The following CECR2 variants were observed in gnomAD, a reference collection of about 807,000 sequenced individuals.
CECR2 encodes the protein CECR2 histone acetyl-lysine reader.
Under a neutral mutation model 154.5 loss-of-function variants are expected in CECR2, and 30 were observed. That is an observed-to-expected ratio of 0.19 (90% confidence interval 0.15 to 0.26). CECR2 has a LOEUF of 0.26. Among genes scored for constraint, CECR2 ranks in the 10% least tolerant of loss-of-function variants. The pLI is 1.00. For synonymous variants in CECR2, 725 were observed against 683.7 expected (o/e 1.06, Z -0.94); for missense variants, 1,743 against 1,829.3 (o/e 0.95, Z 0.86).
chr22:17,446,827 G>A (rs2054673175), intron 1 of CECR2, among the ~76,000 whole-genome samples: 1 of 152,128 alleles, frequency 6.6e-6, no homozygotes, highest in Non-Finnish European at 1.5e-5. Context: ...CGAGCAGGTT[G>A]CCGCTGTGAG....
At chr22:17,550,835 G>A (rs1029404226) in intron 17 of CECR2, among the ~76,000 whole-genome samples, 5 of 151,946 alleles carry the variant, frequency 3.3e-5, no homozygotes, top group South Asian at 2.1e-4. Context: ...CCAGCTACTC[G>A]GGAGGCTGAG....
chr22:17,409,034 C>T (rs1170063842), intron 1 of CECR2, among the ~76,000 whole-genome samples: 1 of 152,240 alleles, frequency 6.6e-6, no homozygotes, highest in Non-Finnish European at 1.5e-5. Context: ...CAGCTTTCAG[C>T]TCAGATTCAT....
chr22:17,480,510 C>T (rs1014761058), intron 2 of CECR2, among the ~76,000 whole-genome samples: 6 of 151,386 alleles, frequency 4.0e-5, no homozygotes, highest in Non-Finnish European at 7.4e-5. Context: ...TTTTCACAAA[C>T]TGAACACACC....
rs1160065288 is a variant in CECR2, at chr22:17,482,136, AAAAAAG to A, written c.221+4455_221+4460del. On this transcript the variant is annotated intron_variant, in intron 2 of 18. Coordinates refer to ENST00000262608, the MANE Select transcript of CECR2 (RefSeq NM_001290047.2). ...TCTCCAAAAAAAAAAAAAAAAAAAA[AAAAAAG>A]GGCGTGGCATGGTGACTCACGCCTG... Among the ~76,000 whole-genome samples, 35 of 116,914 alleles carry A rather than the reference AAAAAAG, an allele frequency of 3.0e-4. 5 individuals carry two copies. Among genetic ancestry groups the A allele is most frequent in the East Asian group, 7.9e-4 (3 of 3,774 alleles). The allele number at this position is 116,914 out of a possible 152,430, so 76.7% of individuals were successfully genotyped here.
intron 7 of CECR2, among the ~76,000 whole-genome samples, chr22:17,505,534 CTTTTT>C (rs11387639): frequency 8.1e-5 from 8 of 98,844 alleles, no homozygotes; most frequent in South Asian, 7.4e-4. Flanking sequence ...CCTCTTTTTC[CTTTTT>C]TTTTTTTTTT....
Position 17,393,980 on chromosome 22 carries a change from C to T in CECR2, c.126+24071C>T, listed in dbSNP as rs1193044907. ...TCAGCTCACTGCAACCTCTGCCTCC[C>T]GGGTTCAAGCAATTCTCCTGCCTCA... On this transcript the variant is annotated intron_variant, in intron 1 of 18. Transcript: ENST00000262608. Among the ~76,000 whole-genome samples the T allele has an allele frequency of 2.6e-5, 4 of 151,084 alleles. No homozygotes were observed. In the South Asian group the frequency reaches 6.3e-4, roughly 24 times the overall value.
At chr22:17,375,998 A>T in intron 1 of CECR2, among the ~76,000 whole-genome samples, 1 of 152,058 alleles carries the variant, frequency 6.6e-6, no homozygotes, top group Admixed American at 6.6e-5. Context: ...ACACTAATCT[A>T]TTTAATGTAA....
intron 1 of CECR2, among the ~76,000 whole-genome samples, chr22:17,395,723 T>C (rs987275912): frequency 3.9e-5 from 6 of 152,186 alleles, no homozygotes; most frequent in Non-Finnish European, 8.8e-5. Flanking sequence ...TTCATATTTC[T>C]ACAGAAAAAA....
intron 1 of CECR2, among the ~76,000 whole-genome samples, chr22:17,432,753 A>C (rs1314107305): frequency 6.6e-6 from 1 of 152,178 alleles, no homozygotes; most frequent in Non-Finnish European, 1.5e-5. Flanking sequence ...CTCCTACCTC[A>C]GCCTCCTGAG....
chr22:17,407,458 G>C (rs906256937), intron 1 of CECR2, among the ~76,000 whole-genome samples: 2 of 152,118 alleles, frequency 1.3e-5, no homozygotes, highest in Admixed American at 1.3e-4. Flanking sequence ...CGCCAGGCAC[G>C]GTGGCGGGCG....
At chr22:17,383,897 T>A (rs972305728) in intron 1 of CECR2, among the ~76,000 whole-genome samples, 1 of 152,110 alleles carries the variant, frequency 6.6e-6, no homozygotes, top group African/African-American at 2.4e-5. Context: ...GGTCTCAGAC[T>A]CCTGACCTCA....
At chr22:17,467,883 G>A (rs1028475340) in intron 1 of CECR2, among the ~76,000 whole-genome samples, 1 of 152,198 alleles carries the variant, frequency 6.6e-6, no homozygotes, top group African/African-American at 2.4e-5. Context: ...ATCAGAAAGA[G>A]AACTGCTGAG....
At chr22:17,414,129 C>T (rs940170215) in intron 1 of CECR2, among the ~76,000 whole-genome samples, 41 of 151,744 alleles carry the variant, frequency 2.7e-4, no homozygotes, top group Non-Finnish European at 4.1e-4. Context: ...CCTGCCACCA[C>T]GCCTGGCTAA....
intron 9 of CECR2, among the ~76,000 whole-genome samples, chr22:17,528,537 TC>T (rs1347161203): frequency 6.6e-6 from 1 of 152,108 alleles, no homozygotes; most frequent in Admixed American, 6.6e-5. Flanking sequence ...TCTTTTCTTT[TC>T]TTTTTTGTTA....
intron 17 of CECR2, among the ~76,000 whole-genome samples, chr22:17,551,268 T>G (rs1316544071): frequency 2.0e-5 from 3 of 152,214 alleles, no homozygotes; most frequent in Admixed American, 1.3e-4. Flanking sequence ...AATAGAGTTT[T>G]TGTTTCTGTT....
At chr22:17,476,690 G>GCAAGTCAAAC (rs1569106808) in intron 1 of CECR2, among the ~76,000 whole-genome samples, 1 of 152,168 alleles carries the variant, frequency 6.6e-6, no homozygotes, top group Non-Finnish European at 1.5e-5. Context: ...CTGGTTATGA[G>GCAAGTCAAAC]CAAGTCAAAC....
chr22:17,488,677 A>G (rs1294413715), intron 2 of CECR2, among the ~76,000 whole-genome samples: 1 of 152,176 alleles, frequency 6.6e-6, no homozygotes, highest in Non-Finnish European at 1.5e-5. Flanking sequence ...GTATCTAGTG[A>G]AAAATATATC....
Position 17,476,333 on chromosome 22 carries a change from C to G in CECR2, c.127-1255C>G, listed in dbSNP as rs558039354. ...AGGCTGGAGTACGCTGGCACGATCT[C>G]ATTTCACTGCAATCTCTGCCTCCTG... On this transcript the variant is annotated intron_variant, in intron 1 of 18. Coordinates refer to ENST00000262608, the MANE Select transcript of CECR2 (RefSeq NM_001290047.2). Among the ~76,000 whole-genome samples the G allele has an allele frequency of 2.6e-5, 4 of 152,080 alleles. No homozygotes were observed. In the South Asian group the frequency reaches 8.3e-4, roughly 32 times the overall value.
chr22:17,484,506 G>A (rs1004835330), intron 2 of CECR2, among the ~76,000 whole-genome samples: 1 of 151,812 alleles, frequency 6.6e-6, no homozygotes, highest in Non-Finnish European at 1.5e-5. Context: ...AGGAAAGACT[G>A]TTTTTCTGTT....
Sources: allele counts gnomAD v4.1 joint callset (sites outside exome capture counted in the v4.1 genomes callset), GRCh38; gene constraint gnomAD v4.1.1; transcripts MANE v1.5; gene names NCBI Gene and HGNC (gene_info 2026-07-23, HGNC 2026-07-21).